Variants in TFIP11 observed in about 807,000 individuals in gnomAD.
The protein encoded by TFIP11 is tuftelin-interacting protein 11.
Under a neutral mutation model 96.8 loss-of-function variants are expected in TFIP11, and 86 were observed. That is an observed-to-expected ratio of 0.89 (90% CI 0.75 to 1.06). The LOEUF (loss-of-function observed/expected upper bound fraction) is 1.06, where lower values mean the gene tolerates loss of function less well. TFIP11 is among the 50% of genes least tolerant of loss of function. The pLI is 0.00. For synonymous variants in TFIP11, 405 were observed against 395.2 expected (o/e 1.02, Z -0.29); for missense variants, 881 against 1,076.7 (o/e 0.82, Z 2.54).
rs1922966542 is a variant in TFIP11, at chr22:26,502,911, T to C, written c.648+755A>G. Among the ~76,000 whole-genome samples, 7 of 152,340 alleles carry C rather than the reference T, an allele frequency of 4.6e-5. No homozygotes were observed. The South Asian group carries it at 1.4e-3, about 32-fold the overall frequency. ...GCTTCTGTGGTGTGCCTGGCACCTG[T>C]AGGCTTCTGAGAACACCTGACTCAC... is the stretch of plus-strand genomic sequence containing the variant. On this transcript the variant is annotated intron_variant, in intron 7 of 14. Coordinates refer to ENST00000407690, the MANE Select transcript of TFIP11 (RefSeq NM_012143.4).
At position 26,506,895 on chromosome 22, in the gene TFIP11, G is replaced by C; in HGVS notation, c.243C>G (p.Ile81Met). 6.2e-7 allele frequency: 1 copy of C among 1,614,172 alleles called. No homozygotes were observed. Among genetic ancestry groups the C allele is most frequent in the South Asian group, 1.1e-5 (1 of 91,084 alleles). ...CTGCCCCTTTCTTGAGCCCTGCGCTGATGAAGTTGACTGGCGCAGAGTAGT... is the reference window on the plus strand; with the variant it reads ...CTGCCCCTTTCTTGAGCCCTGCGCTCATGAAGTTGACTGGCGCAGAGTAGT... ...ARDYSAPVNFISAGLKKGAAE... is the reference protein window; with the variant it reads ...ARDYSAPVNFMSAGLKKGAAE... Residue 81 changes from isoleucine (I) to methionine (M), a missense_variant, in exon 5 of 15, where the codon ATC becomes ATG. Coordinates refer to ENST00000407690, the MANE Select transcript of TFIP11 (RefSeq NM_012143.4).
At chr22:26,502,354 T>C (rs919415628) in intron 7 of TFIP11, among the ~76,000 whole-genome samples, 1 of 152,206 alleles carries the variant, frequency 6.6e-6, no homozygotes, top group African/African-American at 2.4e-5. Flanking sequence ...GCAGGCACTA[T>C]ACTACTTTTA....
At position 26,499,625 on chromosome 22, in the gene TFIP11, C is replaced by T; in HGVS notation, c.808G>A (p.Asp270Asn). ...QKELSQVKVI[D>N]MTGREQKVYY... ...ACCTTCTGCTCCCGGCCTGTCATGT[C>T]TATGACCTTGGAAAACATAGAGGGA... Residue 270 changes from aspartate (D) to asparagine (N), a missense_variant, in exon 9 of 15, where the codon GAC (aspartate) becomes AAC (asparagine). By Grantham distance (23) the Asp-to-Asn change is conservative. Transcript: ENST00000407690. 1 of 1,607,698 alleles carries T rather than the reference C, an allele frequency of 6.2e-7. No individual in the cohort carries two copies. The highest frequency in any genetic ancestry group is 1.1e-5 in the South Asian group (1 of 90,478).
chr22:26,506,594 T>C, intron 5 of TFIP11, 135 bp from the exon 6 acceptor site: 1 of 1,308,046 alleles, frequency 7.6e-7, no homozygotes. Flanking sequence ...AAAATGTGTG[T>C]GATAACGTGT....
At chr22:26,507,016 A>C in intron 4 of TFIP11, 88 bp from the exon 5 acceptor site, 1 of 1,480,222 alleles carries the variant, frequency 6.8e-7, no homozygotes, top group African/African-American at 1.4e-5. Flanking sequence ...GTGCTTGAAG[A>C]CTCCTTAGAG....
rs1359022251 is a variant in TFIP11 at position 26,496,907 on chromosome 22, A to T, written c.1437-18T>A. On this transcript the variant is annotated intron_variant, in intron 10 of 14. Transcript: ENST00000407690. ...ATATCAACCTATGGGAGAAAGGCAG[A>T]GGACAGGCTGGTTAATTACACTGAC... The T allele has an allele frequency of 6.2e-7, 1 of 1,612,932 alleles. No individual in the cohort carries two copies. The highest frequency in any genetic ancestry group is 8.5e-7 in the Non-Finnish European group (1 of 1,179,666).
chr22:26,508,411 T>C (rs960636467), intron 4 of TFIP11, among the ~76,000 whole-genome samples: 12 of 152,252 alleles, frequency 7.9e-5, no homozygotes, highest in African/African-American at 2.9e-4. Flanking sequence ...CCAGGACAAG[T>C]AAGCAGCCAA....
chr22:26,497,573 C>G (rs765058400), intron 10 of TFIP11, among the ~76,000 whole-genome samples: 2 of 152,212 alleles, frequency 1.3e-5, no homozygotes, highest in Non-Finnish European at 2.9e-5. Flanking sequence ...TACTGGGTAT[C>G]TACCCAGAGG....
Position 26,506,705 on chromosome 22 carries a change from T to G in TFIP11, c.363+70A>C, listed in dbSNP as rs558221068. On this transcript the variant is annotated intron_variant, in intron 5 of 14. Transcript: ENST00000407690. ...CATTCCAGATGAGTTTCTCCCTGGC[T>G]AGAAAATGCTTGGGCCACAATGACC... is the stretch of plus-strand genomic sequence containing the variant. 2.2e-5 allele frequency: 34 copies of G among 1,574,918 alleles called. No homozygotes were observed. In the South Asian group the frequency reaches 3.5e-4, roughly 16 times the overall value.
At chr22:26,501,808 G>C in intron 8 of TFIP11, 92 bp downstream of exon 8, 18 of 423,244 alleles carry the variant, frequency 4.3e-5, no homozygotes, top group South Asian at 1.3e-4. Context: ...AAAAAAAAAA[G>C]CCTAGCTAAA....
Position 26,501,982 on chromosome 22 carries a change from T to TA in TFIP11, c.718dup (p.Tyr240LeufsTer14), listed in dbSNP as rs1377559886. 4 of 1,613,826 alleles carry TA rather than the reference T, an allele frequency of 2.5e-6. No individual in the cohort carries two copies. In the East Asian group the frequency reaches 8.9e-5, roughly 36 times the overall value. On this transcript the variant is annotated frameshift_variant, in exon 8 of 15. Coordinates refer to ENST00000407690, the MANE Select transcript of TFIP11 (RefSeq NM_012143.4). LOFTEE classifies it high-confidence loss of function. ...GGCCTTCAACTCTTCCACGGTCTTG[T>TA]AAGAGTATTTGGGCTTCTTCTTGCT... is the stretch of plus-strand genomic sequence containing the variant.
At position 26,496,113 on chromosome 22, in the gene TFIP11, G is replaced by C. The variant is rs763589218; in HGVS notation, c.1809C>G (p.Ser603=). Residue 603 remains serine (S), a synonymous_variant, in exon 12 of 15, where the codon TCC becomes TCG. Coordinates refer to ENST00000407690, the MANE Select transcript of TFIP11 (RefSeq NM_012143.4). ...QPWKDVFTPG[S]WEAFMVKNIV... is the part of the protein sequence containing the mutation. Reference sequence around the variant, plus strand: ...TGTTTTTGACCATGAATGCTTCCCAGGAGCCAGGAGTGAAGACATCCTTCC... The same window carrying C: ...TGTTTTTGACCATGAATGCTTCCCACGAGCCAGGAGTGAAGACATCCTTCC... 2 of 1,613,954 alleles carry C rather than the reference G, an allele frequency of 1.2e-6. No homozygotes were observed. The highest frequency in any genetic ancestry group is 3.3e-5 in the Admixed American group (2 of 60,022).
At chr22:26,492,441 C>A in intron 14 of TFIP11, 73 bp from the exon 15 acceptor site, 6 of 1,449,154 alleles carry the variant, frequency 4.1e-6, no homozygotes, top group Non-Finnish European at 5.7e-6. Context: ...GTGGCTTGGC[C>A]CAGGTCTTGG....
Position 26,499,558 on chromosome 22 carries a change from G to A in TFIP11, c.875C>T (p.Pro292Leu). 2.5e-6 allele frequency: 4 copies of A among 1,614,152 alleles called. No homozygotes were observed. Among genetic ancestry groups the A allele is most frequent in the Non-Finnish European group, 3.4e-6 (4 of 1,180,044 alleles). The change falls in exon 9 of 15, where the codon CCC becomes CTC. Residue 292 changes from proline to leucine, a missense_variant. Coordinates refer to ENST00000407690, the MANE Select transcript of TFIP11 (RefSeq NM_012143.4). ...YSQISHKHNVPDDGLPLQSQQ... is the reference protein window; with the variant it reads ...YSQISHKHNVLDDGLPLQSQQ... Reference sequence around the variant, plus strand: ...GGACTGTAGCGGCAGCCCATCATCGGGAACGTTGTGCTTGTGGCTGATCTG... The same window carrying A: ...GGACTGTAGCGGCAGCCCATCATCGAGAACGTTGTGCTTGTGGCTGATCTG...
At chr22:26,495,538 T>TA (rs869102950) in intron 12 of TFIP11, among the ~76,000 whole-genome samples, 1 of 150,260 alleles carries the variant, frequency 6.7e-6, no homozygotes, top group Non-Finnish European at 1.5e-5. Context: ...TAGCGATTCT[T>TA]AAAATATATA....
At chr22:26,504,122 C>T (rs928118220) in intron 6 of TFIP11, among the ~76,000 whole-genome samples, 1 of 152,178 alleles carries the variant, frequency 6.6e-6, no homozygotes, top group Non-Finnish European at 1.5e-5. Flanking sequence ...AAATTCTATG[C>T]TTCACTTCTT....
At chr22:26,505,608 A>G (rs1333443801) in intron 6 of TFIP11, among the ~76,000 whole-genome samples, 2 of 152,192 alleles carry the variant, frequency 1.3e-5, no homozygotes, top group African/African-American at 4.8e-5. Context: ...TGCCTCAACT[A>G]ACTACTGCCA....
intron 10 of TFIP11, among the ~76,000 whole-genome samples, chr22:26,498,094 A>G (rs949970151): frequency 6.6e-6 from 1 of 152,236 alleles, no homozygotes; most frequent in African/African-American, 2.4e-5. Context: ...ATTGGAGACT[A>G]TTATTCTAAG....
chr22:26,494,296 G>A lies in TFIP11; in HGVS notation c.2001C>T (p.Cys667=). 1 of 1,614,224 alleles carries A rather than the reference G, an allele frequency of 6.2e-7. No homozygotes were observed. The highest frequency in any genetic ancestry group is 2.2e-5 in the East Asian group (1 of 44,892). ...HFFPKWLQVL[C]SWLSNSPNYE... is the part of the protein sequence containing the mutation. ...AATTTGGGCTGTTACTGAGCCAAGAGCACAGCACCTGCCAAAAAGAAAAAT... is the reference window on the plus strand; with the variant it reads ...AATTTGGGCTGTTACTGAGCCAAGAACACAGCACCTGCCAAAAAGAAAAAT... The change falls in exon 14 of 15, where the codon TGC becomes TGT. Residue 667 remains cysteine, a synonymous_variant. Transcript: ENST00000407690.
Sources: allele counts gnomAD v4.1 joint callset (sites outside exome capture counted in the v4.1 genomes callset), GRCh38; gene constraint gnomAD v4.1.1; transcripts MANE v1.5; gene names NCBI Gene and HGNC (gene_info 2026-07-23, HGNC 2026-07-21).